The following PDE4D variants were observed in gnomAD, a reference collection of about 807,000 sequenced individuals.
PDE4D encodes the protein phosphodiesterase 4D.
PDE4D carries 24 observed loss-of-function variants against 87.4 expected under a neutral mutation model. That is an observed-to-expected ratio of 0.27 (90% CI 0.20 to 0.39). PDE4D has a LOEUF of 0.39. Ranked by LOEUF, PDE4D falls within the 10% of genes least tolerant of loss-of-function variation. The pLI, the probability that PDE4D is intolerant of heterozygous loss-of-function variation, is 1.00. For missense variants in PDE4D, 714 were observed against 1,041.0 expected (o/e 0.69, Z 4.32); for synonymous variants, 384 against 383.2 (o/e 1.00, Z -0.02).
chr5:60,027,988 A>G (rs947056951), intron 2 of PDE4D, among the ~76,000 whole-genome samples: 23 of 152,346 alleles, frequency 1.5e-4, no homozygotes, highest in African/African-American at 5.5e-4. Context: ...TGATACGATC[A>G]TGTCCTCTTA....
chr5:59,357,581 A>G (rs755871884), intron 1 of PDE4D, among the ~76,000 whole-genome samples: 2 of 152,192 alleles, frequency 1.3e-5, no homozygotes, highest in African/African-American at 2.4e-5. Flanking sequence ...GTGAATTACA[A>G]TGCATGACTC....
chr5:59,144,186 G>A (rs1227805352), intron 5 of PDE4D, among the ~76,000 whole-genome samples: 1 of 152,164 alleles, frequency 6.6e-6, no homozygotes, highest in Non-Finnish European at 1.5e-5. Flanking sequence ...AACTAAGGCA[G>A]TCAGTTGTGC....
chr5:60,067,008 A>T (rs546225057), intron 2 of PDE4D, among the ~76,000 whole-genome samples: 18 of 152,268 alleles, frequency 1.2e-4, no homozygotes, highest in African/African-American at 4.1e-4. Context: ...ACAATACAAT[A>T]ATAAAATACG....
chr5:59,039,214 G>A, intron 5 of PDE4D: 1 of 1,292,836 alleles, frequency 7.7e-7, no homozygotes, highest in African/African-American at 1.5e-5. Context: ...GGCCTCCAGG[G>A]AGGGCGTGCA....
chr5:59,668,848 A>G (rs1354546439), intron 1 of PDE4D, among the ~76,000 whole-genome samples: 7 of 39,426 alleles, frequency 1.8e-4, no homozygotes, highest in African/African-American at 6.9e-4. Flanking sequence ...AGGAAGAGGA[A>G]GAAGAAGAAG....
intron 1 of PDE4D, among the ~76,000 whole-genome samples, chr5:59,600,103 G>C (rs1430835406): frequency 6.6e-6 from 1 of 152,114 alleles, no homozygotes; most frequent in Non-Finnish European, 1.5e-5. Context: ...GTTTTCTAGT[G>C]GTTCCATCCC....
chr5:58,992,838 C>G (rs1311271040), intron 7 of PDE4D, among the ~76,000 whole-genome samples: 1 of 152,030 alleles, frequency 6.6e-6, no homozygotes, highest in African/African-American at 2.4e-5. Context: ...AATTACTGAC[C>G]TTTATTTACT....
chr5:60,403,406 A>G lies in PDE4D; in HGVS notation c.-90+84536T>C, dbSNP rs111562167. ...CTCTCAGGAAATGTTCTGCAGATGAAGAATGTTTTGTAGATGTGACTTCCA... is the reference window on the plus strand; with the variant it reads ...CTCTCAGGAAATGTTCTGCAGATGAGGAATGTTTTGTAGATGTGACTTCCA... On this transcript the variant is annotated intron_variant, in intron 1 of 16. Transcript: ENST00000502484. Among the ~76,000 whole-genome samples, 843 of 152,314 alleles carry G rather than the reference A, an allele frequency of 5.5e-3. 11 individuals are homozygous for G. Among genetic ancestry groups the G allele is most frequent in the African/African-American group, 0.02 (818 of 41,560 alleles).
chr5:60,222,875 G>C (rs139386182), intron 1 of PDE4D, among the ~76,000 whole-genome samples: 1,532 of 152,124 alleles, frequency 0.01, 33 homozygotes, highest in African/African-American at 0.035. Context: ...GAAATGAACA[G>C]GTTTTTGCTG....
At chr5:60,016,803 T>C (rs1481209778) in intron 2 of PDE4D, among the ~76,000 whole-genome samples, 2 of 152,210 alleles carry the variant, frequency 1.3e-5, no homozygotes, top group Non-Finnish European at 2.9e-5. Flanking sequence ...AAAGTCATCA[T>C]GAGGGTTAGC....
intron 1 of PDE4D, among the ~76,000 whole-genome samples, chr5:60,285,547 G>A (rs73104767): frequency 0.17 from 26,034 of 151,604 alleles, 4,250 homozygotes; most frequent in African/African-American, 0.43. Context: ...AAAATTACAG[G>A]GAAGAAAAAC....
intron 3 of PDE4D, among the ~76,000 whole-genome samples, chr5:59,985,246 C>T (rs1300876962): frequency 1.3e-5 from 2 of 151,610 alleles, no homozygotes; most frequent in Non-Finnish European, 2.9e-5. Context: ...TCACGCCATC[C>T]TCTTGCCTCA....
intron 1 of PDE4D, among the ~76,000 whole-genome samples, chr5:59,310,620 A>G (rs539923253): frequency 1.2e-4 from 19 of 152,260 alleles, no homozygotes; most frequent in African/African-American, 4.6e-4. Flanking sequence ...TTCTTCCTCT[A>G]CACTGAGAAG....
At chr5:60,279,549 AT>A (rs1198921991) in intron 1 of PDE4D, among the ~76,000 whole-genome samples, 6 of 152,130 alleles carry the variant, frequency 3.9e-5, no homozygotes, top group African/African-American at 1.2e-4. Context: ...TTTACCTGGA[AT>A]ATGGTGGTTA....
chr5:60,255,866 T>C (rs190409538), intron 1 of PDE4D, among the ~76,000 whole-genome samples: 1 of 151,968 alleles, frequency 6.6e-6, no homozygotes, highest in East Asian at 1.9e-4. Flanking sequence ...CAACATATTT[T>C]CCAATGTAAC....
At chr5:59,690,476 C>T (rs925807366) in intron 1 of PDE4D, among the ~76,000 whole-genome samples, 1 of 152,106 alleles carries the variant, frequency 6.6e-6, no homozygotes, top group Non-Finnish European at 1.5e-5. Flanking sequence ...GGAAAGGATT[C>T]CCTATTTAAT....
At position 59,692,104 on chromosome 5, in the gene PDE4D, GTTC is replaced by G. The variant is rs1238908169; in HGVS notation, c.455+201061_455+201063del. 3.3e-5 allele frequency among the ~76,000 whole-genome samples: 5 copies of G among 152,110 alleles called. 1 individual carries two copies. The South Asian group carries it at 8.3e-4, about 25-fold the overall frequency. The stretch of plus-strand genomic sequence containing the variant: ...GATATTACCTATTCATGTGGGAAAA[GTTC>G]TTCTTAATGTATAGGAAAAAAGGTT... On this transcript the variant is annotated intron_variant, in intron 1 of 14. Coordinates refer to ENST00000340635, the MANE Select transcript of PDE4D (RefSeq NM_001104631.2).
chr5:59,136,574 G>C (rs1292552247), intron 5 of PDE4D, among the ~76,000 whole-genome samples: 1 of 152,074 alleles, frequency 6.6e-6, no homozygotes, highest in Admixed American at 6.5e-5. Flanking sequence ...TCTAGATCAT[G>C]ATCTGTATAA....
At chr5:59,960,747 A>G (rs1310283125) in intron 3 of PDE4D, among the ~76,000 whole-genome samples, 4 of 152,152 alleles carry the variant, frequency 2.6e-5, no homozygotes, top group Non-Finnish European at 2.9e-5. Context: ...AAAACTTCCA[A>G]TTGGGTACTA....
Sources: allele counts gnomAD v4.1 joint callset (sites outside exome capture counted in the v4.1 genomes callset), GRCh38; gene constraint gnomAD v4.1.1; transcripts MANE v1.5; gene names NCBI Gene and HGNC (gene_info 2026-07-23, HGNC 2026-07-21).